The following USPL1 variants were observed in gnomAD, a reference collection of about 807,000 sequenced individuals.
USPL1 encodes the protein ubiquitin specific peptidase like 1.
In USPL1, 27 loss-of-function variants were observed where a neutral mutation model predicts 51.5. The observed-to-expected ratio is 0.52, with a 90% CI of 0.39 to 0.72. USPL1 has a LOEUF of 0.72. Ranked by LOEUF, USPL1 falls within the 30% of genes least tolerant of loss-of-function variation. The pLI is 0.00. For synonymous variants in USPL1, 451 were observed against 459.6 expected, an observed-to-expected ratio of 0.98 and a Z score of 0.24; for missense variants, 1,226 against 1,268.0, an observed-to-expected ratio of 0.97 and a Z score of 0.50.
chr13:30,653,114 T>A, intron 7 of USPL1, 34 bp from the exon 8 acceptor site: 1 of 1,545,994 alleles, frequency 6.5e-7, no homozygotes, highest in Non-Finnish European at 8.8e-7. Flanking sequence ...TGGCATTAAA[T>A]TTATTTAACT....
At chr13:30,646,691 T>C (rs1414199879) in intron 6 of USPL1, among the ~76,000 whole-genome samples, 2 of 152,190 alleles carry the variant, frequency 1.3e-5, no homozygotes, top group African/African-American at 2.4e-5. Flanking sequence ...AGTGATACCA[T>C]TGAGGAACCC....
chr13:30,623,913 C>T (rs578077265), intron 3 of USPL1, among the ~76,000 whole-genome samples: 6 of 152,210 alleles, frequency 3.9e-5, no homozygotes, highest in Non-Finnish European at 8.8e-5. Context: ...CTACTCATTT[C>T]TTCATCTATA....
At chr13:30,622,346 C>G (rs1950657180) in intron 3 of USPL1, among the ~76,000 whole-genome samples, 1 of 152,022 alleles carries the variant, frequency 6.6e-6, no homozygotes, top group Non-Finnish European at 1.5e-5. Flanking sequence ...CTAAAAGATC[C>G]TTTTAGAAGC....
rs1593396179 is a variant in USPL1, at chr13:30,657,351, A to G, written c.1397-123A>G. 6 of 973,516 alleles carry G rather than the reference A, an allele frequency of 6.2e-6. No individual in the cohort carries two copies. The East Asian group carries it at 1.1e-4, about 17-fold the overall frequency. The allele number at this position is 973,516 out of a possible 1,614,324, so 60.3% of individuals were successfully genotyped here. A position where few individuals can be genotyped will look rare whatever the true frequency, so the allele number is the denominator to read the frequency against. ...AGACAATGGTGACAAGGTCAAGAAC[A>G]TGTTTTAGAGTCTTCTCCTTTGGTC... On this transcript the variant is annotated intron_variant, in intron 8 of 8. Transcript: ENST00000255304.
chr13:30,627,461 G>A (rs898204685), intron 3 of USPL1, among the ~76,000 whole-genome samples: 1 of 151,918 alleles, frequency 6.6e-6, no homozygotes, highest in African/African-American at 2.4e-5. Flanking sequence ...TGCGAAGAGT[G>A]TGGGTGGAAA....
intron 4 of USPL1, 92 bp downstream of exon 4, chr13:30,631,566 TC>T: frequency 7.8e-7 from 1 of 1,284,418 alleles, no homozygotes; most frequent in South Asian, 1.5e-5. Flanking sequence ...AGTGGCATGA[TC>T]ATGTCTCCTT....
At chr13:30,629,964 T>G (rs1379219313) in intron 3 of USPL1, among the ~76,000 whole-genome samples, 1 of 143,642 alleles carries the variant, frequency 7.0e-6, no homozygotes, top group African/African-American at 2.9e-5. Context: ...ATTAATTAAC[T>G]ATTATTATTA....
chr13:30,637,630 T>A lies in USPL1; in HGVS notation c.869-114T>A, dbSNP rs1185604128. ...AATTAAGGAAATTTTGTGTTTTGCT[T>A]TTTGTCTGTTTGCAAAACTTACTGA... On this transcript the variant is annotated intron_variant, in intron 4 of 8. Coordinates refer to ENST00000255304, the MANE Select transcript of USPL1 (RefSeq NM_005800.5). 35 of 812,452 alleles carry A rather than the reference T, an allele frequency of 4.3e-5. No homozygotes were observed. In the East Asian group the frequency reaches 9.1e-4, roughly 21 times the overall value. 50.3% of individuals were successfully genotyped at this position (812,452 alleles called of 1,614,324 possible).
intron 4 of USPL1, among the ~76,000 whole-genome samples, chr13:30,632,364 A>G (rs1226708208): frequency 7.0e-6 from 1 of 142,550 alleles, no homozygotes; most frequent in African/African-American, 2.7e-5. Context: ...CCAGTCTATC[A>G]TTGATGGGCA....
At chr13:30,643,019 A>G (rs1487925108) in intron 6 of USPL1, among the ~76,000 whole-genome samples, 7 of 152,154 alleles carry the variant, frequency 4.6e-5, no homozygotes, top group Admixed American at 4.6e-4. Flanking sequence ...ATGAAACTGT[A>G]GGCATTTTTG....
chr13:30,621,397 C>T (rs554880717), intron 2 of USPL1, among the ~76,000 whole-genome samples, 158 bp downstream of exon 2: 8 of 152,028 alleles, frequency 5.3e-5, no homozygotes, highest in Non-Finnish European at 1.0e-4. Context: ...ATGTGTTTAC[C>T]TTTCTGTGTT....
chr13:30,654,006 A>G (rs1056171324), intron 8 of USPL1, among the ~76,000 whole-genome samples: 3 of 152,238 alleles, frequency 2.0e-5, no homozygotes, highest in African/African-American at 7.2e-5. Context: ...ACACAATACC[A>G]TATTATAAAA....
intron 4 of USPL1, among the ~76,000 whole-genome samples, chr13:30,631,685 C>T (rs149475890): frequency 6.6e-6 from 1 of 152,166 alleles, no homozygotes; most frequent in Non-Finnish European, 1.5e-5. Flanking sequence ...AGATGGTGGC[C>T]CCACTGTCTT....
At chr13:30,635,221 A>G (rs1299571783) in intron 4 of USPL1, among the ~76,000 whole-genome samples, 2 of 152,168 alleles carry the variant, frequency 1.3e-5, no homozygotes, top group Non-Finnish European at 2.9e-5. Context: ...TTTTAAAGAA[A>G]TTATTACTAT....
intron 8 of USPL1, among the ~76,000 whole-genome samples, chr13:30,654,663 G>A (rs1350731119): frequency 6.6e-6 from 1 of 152,142 alleles, no homozygotes; most frequent in Non-Finnish European, 1.5e-5. Context: ...GTAGATAAGA[G>A]TGTAGCCACA....
At chr13:30,643,469 C>T (rs1950974824) in intron 6 of USPL1, among the ~76,000 whole-genome samples, 1 of 152,072 alleles carries the variant, frequency 6.6e-6, no homozygotes, top group Non-Finnish European at 1.5e-5. Flanking sequence ...GTCAGGGAGG[C>T]AAGGTATTCC....
chr13:30,650,574 CAAAAAA>C (rs34074092), intron 7 of USPL1, among the ~76,000 whole-genome samples: 1 of 123,210 alleles, frequency 8.1e-6, no homozygotes. Flanking sequence ...GAGACTGTCT[CAAAAAA>C]AAAAAAAAAA....
At chr13:30,652,549 A>G (rs1951104192) in intron 7 of USPL1, among the ~76,000 whole-genome samples, 1 of 152,240 alleles carries the variant, frequency 6.6e-6, no homozygotes, top group Non-Finnish European at 1.5e-5. Flanking sequence ...TTTTGAAATT[A>G]TAGTTGTCTT....
intron 3 of USPL1, among the ~76,000 whole-genome samples, chr13:30,629,653 G>A (rs1950774068): frequency 6.6e-6 from 1 of 152,196 alleles, no homozygotes; most frequent in Admixed American, 6.5e-5. Flanking sequence ...TCAGCCAGGG[G>A]TCTCAGTTAT....
Sources: allele counts gnomAD v4.1 joint callset (sites outside exome capture counted in the v4.1 genomes callset), GRCh38; gene constraint gnomAD v4.1.1; transcripts MANE v1.5; gene names NCBI Gene and HGNC (gene_info 2026-07-23, HGNC 2026-07-21).